Variants in EXOC5 observed in about 807,000 individuals in gnomAD.
The protein encoded by EXOC5 is exocyst complex component 5.
A neutral mutation model predicts 90.8 loss-of-function variants in EXOC5; 17 were observed. That is an observed-to-expected ratio of 0.19 (90% CI 0.13 to 0.28). The LOEUF is 0.28. EXOC5 is among the 10% of genes least tolerant of loss of function. The pLI is 1.00. For synonymous variants in EXOC5, 260 were observed against 270.0 expected (o/e 0.96, Z 0.36); for missense variants, 569 against 830.6 (o/e 0.69, Z 3.87).
At chr14:57,252,516 C>G (rs993375432) in intron 1 of EXOC5, among the ~76,000 whole-genome samples, 6 of 151,982 alleles carry the variant, frequency 3.9e-5, no homozygotes, top group African/African-American at 1.2e-4. Flanking sequence ...ACATAAATGG[C>G]CAACAAGTAT....
At chr14:57,215,186 C>G (rs1265819739) in intron 15 of EXOC5, among the ~76,000 whole-genome samples, 1 of 151,056 alleles carries the variant, frequency 6.6e-6, no homozygotes, top group Non-Finnish European at 1.5e-5. Context: ...GAGCCAAGAT[C>G]GTGCCACTGG....
At chr14:57,242,938 C>A (rs1282948731) in intron 4 of EXOC5, among the ~76,000 whole-genome samples, 1 of 152,212 alleles carries the variant, frequency 6.6e-6, no homozygotes, top group African/African-American at 2.4e-5. Flanking sequence ...AAAATAATGT[C>A]TTTTGCAGCA....
chr14:57,259,290 G>A (rs1884433417), intron 1 of EXOC5, among the ~76,000 whole-genome samples: 1 of 152,078 alleles, frequency 6.6e-6, no homozygotes, highest in African/African-American at 2.4e-5. Flanking sequence ...GTAGAGATGG[G>A]GTTTTGCCAT....
At chr14:57,255,362 C>T (rs1195397336) in intron 1 of EXOC5, among the ~76,000 whole-genome samples, 5 of 152,116 alleles carry the variant, frequency 3.3e-5, no homozygotes, top group African/African-American at 1.2e-4. Context: ...GATGGATTTG[C>T]CTTTCCTCAG....
At chr14:57,222,655 C>T (rs1182994890) in intron 12 of EXOC5, among the ~76,000 whole-genome samples, 1 of 151,126 alleles carries the variant, frequency 6.6e-6, no homozygotes, top group Non-Finnish European at 1.5e-5. Flanking sequence ...GATTGCAATC[C>T]ATTAGTGAAA....
intron 7 of EXOC5, among the ~76,000 whole-genome samples, chr14:57,234,457 T>C (rs1883589378): frequency 6.7e-6 from 1 of 150,234 alleles, no homozygotes; most frequent in Non-Finnish European, 1.5e-5. Flanking sequence ...TATATATGTA[T>C]GTGTTTTATA....
intron 12 of EXOC5, among the ~76,000 whole-genome samples, chr14:57,227,351 T>C (rs547291389): frequency 1.2e-4 from 18 of 152,344 alleles, no homozygotes; most frequent in South Asian, 8.3e-4. Context: ...TGTTGACACA[T>C]GTAACTCTAC....
Position 57,229,985 on chromosome 14 carries a change from T to C in EXOC5, c.1149-104A>G, listed in dbSNP as rs904935568. 9 of 536,658 alleles carry C rather than the reference T, an allele frequency of 1.7e-5. No individual in the cohort carries two copies. The Admixed American group carries it at 2.0e-4, about 12-fold the overall frequency. 33.2% of individuals were successfully genotyped at this position (536,658 alleles called of 1,614,324 possible). Reference sequence around the variant, plus strand: ...TATATCAACAACAAAAATGGACCAATAGCCAAGAGACCTAATTTCTAATTC... The same window carrying C: ...TATATCAACAACAAAAATGGACCAACAGCCAAGAGACCTAATTTCTAATTC... On this transcript the variant is annotated intron_variant, in intron 11 of 17. Transcript: ENST00000621441.
Position 57,204,645 on chromosome 14 carries a change from T to C in EXOC5, c.*3964A>G, listed in dbSNP as rs930673347. 3 of 152,424 alleles carry C rather than the reference T, an allele frequency of 2.0e-5. No individual in the cohort carries two copies. Among genetic ancestry groups the C allele is most frequent in the African/African-American group, 4.8e-5 (2 of 41,420 alleles). 9.4% of individuals were successfully genotyped at this position (152,424 alleles called of 1,614,324 possible). On this transcript the variant is annotated 3_prime_UTR_variant, in exon 18 of 18. Transcript: ENST00000621441. ...GTACAAAATATTTGGTCTCTTTCTA[T>C]TGTGAAAATTATCAAGCTGGAAAAG...
chr14:57,222,919 A>G (rs1883197659), intron 12 of EXOC5, among the ~76,000 whole-genome samples: 1 of 152,038 alleles, frequency 6.6e-6, no homozygotes. Context: ...CAGAACAAAA[A>G]GAATTCTTTG....
chr14:57,215,572 T>G lies in EXOC5; in HGVS notation c.1613+2410A>C, dbSNP rs537639906. ...AGAATGAAGGATAAAAATCACATAA[T>G]TGTCTGATGATGTGAAAAAAAAAAC... On this transcript the variant is annotated intron_variant, in intron 15 of 17. Coordinates refer to ENST00000621441, the MANE Select transcript of EXOC5 (RefSeq NM_006544.4). Among the ~76,000 whole-genome samples the G allele has an allele frequency of 4.6e-5, 7 of 152,116 alleles. No homozygotes were observed. The East Asian group carries it at 1.4e-3, about 29-fold the overall frequency.
chr14:57,232,725 C>A lies in EXOC5; in HGVS notation c.880G>T (p.Glu294Ter). 1 of 1,540,142 alleles carries A rather than the reference C, an allele frequency of 6.5e-7. No homozygotes were observed. The highest frequency in any genetic ancestry group is 8.9e-7 in the Non-Finnish European group (1 of 1,124,632). The change falls in exon 10 of 18, where the codon GAA becomes TAA. Residue 294 changes from glutamate to a stop codon, truncating the protein, a stop_gained. Coordinates refer to ENST00000621441, the MANE Select transcript of EXOC5 (RefSeq NM_006544.4). LOFTEE classifies it high-confidence loss of function. ...TGCTCTGCATCGGACTTCCTACATT[C>A]TTCTAACTGCTCTTTCACAAAACTC... The part of the protein sequence containing the change: ...LQSFVKEQLE[E>*]CRKSDAEQYL...
At chr14:57,230,978 CATT>C (rs1476389054) in intron 11 of EXOC5, among the ~76,000 whole-genome samples, 1 of 148,538 alleles carries the variant, frequency 6.7e-6, no homozygotes, top group Non-Finnish European at 1.5e-5. Context: ...AGTTTTAAAA[CATT>C]ATTTTTTAAT....
intron 14 of EXOC5, among the ~76,000 whole-genome samples, chr14:57,218,454 A>C (rs1555788): frequency 0.3 from 45,464 of 151,958 alleles, 12,105 homozygotes; most frequent in African/African-American, 0.72. Context: ...CCAGAGTTTT[A>C]AGAATACAGT....
At chr14:57,238,367 T>TACACACAC (rs1205180138) in intron 5 of EXOC5, among the ~76,000 whole-genome samples, 1 of 96,808 alleles carries the variant, frequency 1.0e-5, no homozygotes, top group Non-Finnish European at 2.1e-5. Context: ...TATATATATA[T>TACACACAC]ATATATATAC....
chr14:57,249,500 T>C (rs980939067), intron 1 of EXOC5, among the ~76,000 whole-genome samples: 1 of 152,138 alleles, frequency 6.6e-6, no homozygotes. Context: ...AAATTAAGGA[T>C]TTTTTCATAC....
intron 15 of EXOC5, among the ~76,000 whole-genome samples, chr14:57,215,712 A>C (rs1260508214): frequency 1.3e-5 from 2 of 152,216 alleles, no homozygotes; most frequent in Admixed American, 6.5e-5. Flanking sequence ...AACTAATATC[A>C]AAGTGTGAAA....
Position 57,268,632 on chromosome 14 carries a change from T to A in EXOC5, c.17A>T (p.Glu6Val). 3 of 1,590,912 alleles carry A rather than the reference T, an allele frequency of 1.9e-6. No homozygotes were observed. The highest frequency in any genetic ancestry group is 2.6e-6 in the Non-Finnish European group (3 of 1,174,640). The change falls in exon 1 of 18, where the codon GAG (glutamate) becomes GTG (valine). Residue 6 changes from glutamate (E) to valine (V), a missense_variant. Glu to Val is a moderately radical substitution (Grantham distance 121, BLOSUM62 -2). Coordinates refer to ENST00000621441, the MANE Select transcript of EXOC5 (RefSeq NM_006544.4). ...GCCGCCGGGGCCCACCTCGAAGAGCTCGGCCGTGGTAGCCATCCCGGCCGG... is the reference window on the plus strand; with the variant it reads ...GCCGCCGGGGCCCACCTCGAAGAGCACGGCCGTGGTAGCCATCCCGGCCGG... The part of the protein sequence containing the change: MATTA[E>V]LFEEPFVADE...
chr14:57,207,513 C>G lies in EXOC5; in HGVS notation c.*1096G>C, dbSNP rs1566722798. On this transcript the variant is annotated 3_prime_UTR_variant, in exon 18 of 18. Transcript: ENST00000621441. ...CATCAAATTAAGCCAATTCCATTAA[C>G]TATATCCAAGTAGGAATAACTTCAG... 6.6e-6 allele frequency: 1 copy of G among 152,250 alleles called. No individual in the cohort carries two copies. The highest frequency in any genetic ancestry group is 1.5e-5 in the Non-Finnish European group (1 of 67,978). The allele number at this position is 152,250 out of a possible 1,614,324, so 9.4% of individuals were successfully genotyped here. A position where few individuals can be genotyped will look rare whatever the true frequency, so the allele number is the denominator to read the frequency against.
Sources: gnomAD v4.1 joint callset for allele counts (sites outside exome capture counted in the v4.1 genomes callset) on GRCh38, gnomAD v4.1.1 for gene constraint, MANE v1.5 for transcripts, NCBI Gene and HGNC (gene_info 2026-07-23, HGNC 2026-07-21) for gene names.